CPS1: variants seen among roughly 807,000 people sequenced by gnomAD.
CPS1 encodes carbamoyl-phosphate synthase 1.
In CPS1, 109 loss-of-function variants were observed where a neutral mutation model predicts 174.6. The ratio of observed to expected loss-of-function variants is 0.62; its 90% CI spans 0.53 to 0.73. The LOEUF (loss-of-function observed/expected upper bound fraction) is 0.73, where lower values mean the gene tolerates loss of function less well. Ranked by LOEUF, CPS1 falls within the 30% of genes least tolerant of loss-of-function variation. CPS1 has a pLI of 0.00. For missense variants in CPS1, 1,689 were observed against 1,821.9 expected, an observed-to-expected ratio of 0.93 and a Z score of 1.33; for synonymous variants, 637 against 632.0, an observed-to-expected ratio of 1.01 and a Z score of -0.12.
At chr2:210,605,067 C>T (rs770359392) in intron 16 of CPS1, 35 bp from the exon 17 acceptor site, 1 of 1,610,516 alleles carries the variant, frequency 6.2e-7, no homozygotes, top group Admixed American at 1.7e-5. Context: ...AGTGCTTTTT[C>T]TTACTCTTTG....
rs554023740 is a variant in CPS1, at chr2:210,582,855, C to T, written c.621+146C>T. 21 of 688,736 alleles carry T rather than the reference C, an allele frequency of 3.0e-5. No individual in the cohort carries two copies. The East Asian group carries it at 5.7e-4, about 19-fold the overall frequency. The allele number at this position is 688,736 out of a possible 1,614,324, so 42.7% of individuals were successfully genotyped here. ...AAGGGATCTCATAGCAGCTAAAATA[C>T]ACCTTACAAAATCAGTGCATTTAAA... On this transcript the variant is annotated intron_variant, in intron 6 of 37. Transcript: ENST00000233072.
At chr2:210,597,290 A>G (rs139478845) in intron 13 of CPS1, among the ~76,000 whole-genome samples, 489 of 151,956 alleles carry the variant, frequency 3.2e-3, no homozygotes, top group Non-Finnish European at 4.4e-3. Context: ...TATTACTCTT[A>G]AAATCTTGAG....
At chr2:210,637,065 T>C (rs905692833) in intron 21 of CPS1, among the ~76,000 whole-genome samples, 11 of 152,182 alleles carry the variant, frequency 7.2e-5, no homozygotes, top group Non-Finnish European at 1.6e-4. Context: ...CATAAAGACC[T>C]GGAGCACAGG....
rs138917606 is a variant in CPS1, at chr2:210,536,568, C to T, written c.4-20151C>T. Among the ~76,000 whole-genome samples the T allele has an allele frequency of 1.5e-4, 23 of 152,188 alleles. No homozygotes were observed. The South Asian group carries it at 1.9e-3, about 12-fold the overall frequency. The stretch of plus-strand genomic sequence containing the variant: ...GCTACGATCTCCTAACCTCGTGATC[C>T]GCCCGCCTCGGCCTCCCAAAGTGCT... On this transcript the variant is annotated intron_variant, in intron 1 of 38. Coordinates refer to the CPS1 transcript ENST00000430249.
Position 210,609,813 on chromosome 2 carries a change from T to G in CPS1, c.2391+1254T>G, listed in dbSNP as rs558158481. Among the ~76,000 whole-genome samples the G allele has an allele frequency of 4.6e-5, 7 of 152,058 alleles. No individual in the cohort carries two copies. In the South Asian group the frequency reaches 1.2e-3, roughly 27 times the overall value. On this transcript the variant is annotated intron_variant, in intron 19 of 37. Transcript: ENST00000233072. ...AAACCCAGGCCAGCCATTTCAGAAA[T>G]GCATGTCACTAATCACAGAAAATAT... is the stretch of plus-strand genomic sequence containing the variant.
chr2:210,522,770 T>C (rs984509060), intron 1 of CPS1, among the ~76,000 whole-genome samples: 1 of 151,950 alleles, frequency 6.6e-6, no homozygotes, highest in African/African-American at 2.4e-5. Context: ...AGACCTCAAA[T>C]ATAAAAAAGA....
chr2:210,644,598 A>G (rs1700318777), intron 25 of CPS1, among the ~76,000 whole-genome samples: 2 of 152,138 alleles, frequency 1.3e-5, no homozygotes. Context: ...TCCAAAAACC[A>G]TGGCCATTTG....
chr2:210,581,921 A>G (rs1280900690), intron 5 of CPS1, among the ~76,000 whole-genome samples: 1 of 152,184 alleles, frequency 6.6e-6, no homozygotes, highest in Non-Finnish European at 1.5e-5. Context: ...TAAATATAGC[A>G]TGCCATTTTT....
chr2:210,598,753 A>G (rs1365261339), intron 13 of CPS1, among the ~76,000 whole-genome samples: 1 of 151,874 alleles, frequency 6.6e-6, no homozygotes, highest in Non-Finnish European at 1.5e-5. Context: ...AGACTCCCAC[A>G]CAATAATAGT....
chr2:210,600,233 A>T (rs1196025214), intron 14 of CPS1, among the ~76,000 whole-genome samples: 1 of 151,922 alleles, frequency 6.6e-6, no homozygotes, highest in East Asian at 1.9e-4. Context: ...TAAATTATAG[A>T]ATCTCATTAT....
intron 1 of CPS1, among the ~76,000 whole-genome samples, chr2:210,525,042 A>C (rs1695937009): frequency 1.3e-5 from 2 of 151,850 alleles, no homozygotes; most frequent in Non-Finnish European, 2.9e-5. Context: ...TTGGAAGGGG[A>C]TCCTCCTTTC....
At chr2:210,668,124 G>A in intron 33 of CPS1, 62 bp from the exon 34 acceptor site, 1 of 982,180 alleles carries the variant, frequency 1.0e-6, no homozygotes, top group South Asian at 1.3e-5. Context: ...TTTAATTTTT[G>A]GTAGGAGTGG....
intron 6 of CPS1, among the ~76,000 whole-genome samples, chr2:210,582,995 T>A (rs1697978296): frequency 6.6e-6 from 1 of 152,086 alleles, no homozygotes; most frequent in Non-Finnish European, 1.5e-5. Flanking sequence ...ATTTTAACAA[T>A]GTAAAATAAA....
chr2:210,586,301 G>C (rs778722459), intron 6 of CPS1, among the ~76,000 whole-genome samples: 21 of 152,046 alleles, frequency 1.4e-4, no homozygotes, highest in Admixed American at 2.0e-4. Context: ...TATATGTATG[G>C]AATTTGATCA....
chr2:210,653,953 G>A (rs1346615965), intron 28 of CPS1, 72 bp from the exon 29 acceptor site: 7 of 1,191,398 alleles, frequency 5.9e-6, no homozygotes, highest in Middle Eastern at 1.9e-4. Flanking sequence ...AATACTTAAA[G>A]TACATGGCTT....
At chr2:210,514,589 G>C (rs1695622553) in intron 1 of CPS1, among the ~76,000 whole-genome samples, 1 of 151,758 alleles carries the variant, frequency 6.6e-6, no homozygotes, top group African/African-American at 2.4e-5. Context: ...AGGGTCTTTA[G>C]GGTTTTCTAG....
At chr2:210,540,733 G>A (rs548689856) in intron 1 of CPS1, among the ~76,000 whole-genome samples, 6 of 152,124 alleles carry the variant, frequency 3.9e-5, no homozygotes, top group South Asian at 4.2e-4. Context: ...GGGTAATTTC[G>A]GAACCTTTTA....
chr2:210,577,361 T>A, intron 3 of CPS1, 60 bp from the exon 4 acceptor site: 1 of 1,297,218 alleles, frequency 7.7e-7, no homozygotes, highest in Non-Finnish European at 1.1e-6. Flanking sequence ...GCAAATTGAC[T>A]CACAAGAGTT....
At chr2:210,662,487 G>A (rs367759292) in intron 32 of CPS1, among the ~76,000 whole-genome samples, 4 of 152,288 alleles carry the variant, frequency 2.6e-5, no homozygotes, top group African/African-American at 9.6e-5. Flanking sequence ...TACCAGATAA[G>A]TGGACACATA....
Sources: allele counts gnomAD v4.1 joint callset (sites outside exome capture counted in the v4.1 genomes callset), GRCh38; gene constraint gnomAD v4.1.1; transcripts MANE v1.5; gene names NCBI Gene and HGNC (gene_info 2026-07-23, HGNC 2026-07-21).